The following DEDD2 variants were observed in gnomAD, a reference collection of about 807,000 sequenced individuals.
DEDD2 encodes the protein death effector domain containing 2.
DEDD2 carries 18 observed loss-of-function variants against 28.9 expected under a neutral mutation model. That is an observed-to-expected ratio of 0.62 (90% CI 0.43 to 0.92). The LOEUF is 0.92. DEDD2 is among the 40% of genes least tolerant of loss of function. The pLI is 0.00. For synonymous variants in DEDD2, 211 were observed against 206.1 expected (o/e 1.02, Z -0.20); for missense variants, 411 against 463.3 (o/e 0.89, Z 1.04).
rs746930105 is a variant in DEDD2, at chr19:42,209,659, G to A, written c.589+41C>T. On this transcript the variant is annotated intron_variant, in intron 4 of 4. Transcript: ENST00000596251. Reference sequence around the variant, plus strand: ...TTTCTCCCACCCTCTGAACCCACCCGGGGCACTCTACATGCATTGCCAAAG... The same window carrying A: ...TTTCTCCCACCCTCTGAACCCACCCAGGGCACTCTACATGCATTGCCAAAG... The A allele has an allele frequency of 3.0e-5, 47 of 1,576,156 alleles. 1 individual carries two copies. The Middle Eastern group carries it at 1.9e-3, about 62-fold the overall frequency.
chr19:42,215,990 G>T (rs2035951657), intron 2 of DEDD2, among the ~76,000 whole-genome samples: 1 of 152,016 alleles, frequency 6.6e-6, no homozygotes, highest in Non-Finnish European at 1.5e-5. Context: ...CCCTAGCTTG[G>T]GTCCCCTCTG....
At chr19:42,214,355 G>A (rs1483745507) in intron 3 of DEDD2, among the ~76,000 whole-genome samples, 1 of 152,124 alleles carries the variant, frequency 6.6e-6, no homozygotes, top group Non-Finnish European at 1.5e-5. Context: ...CTACTTGGGA[G>A]GCTGAGGCAG....
chr19:42,207,160 G>GC (rs1183596918), intron 4 of DEDD2, among the ~76,000 whole-genome samples: 1 of 152,134 alleles, frequency 6.6e-6, no homozygotes, highest in Non-Finnish European at 1.5e-5. Context: ...CTCAAACCCT[G>GC]CCGCGCAAGC....
chr19:42,205,077 C>A (rs1281947762), intron 4 of DEDD2, among the ~76,000 whole-genome samples: 1 of 152,158 alleles, frequency 6.6e-6, no homozygotes, highest in Non-Finnish European at 1.5e-5. Flanking sequence ...GACCCCACTA[C>A]CCATCTTCAG....
chr19:42,219,013 A>C (rs947864934), upstream of DEDD2, among the ~76,000 whole-genome samples: 6 of 150,348 alleles, frequency 4.0e-5, no homozygotes. Context: ...TGTCTCAAGA[A>C]ACAAACAAAC....
chr19:42,211,486 G>A (rs1187591663), intron 3 of DEDD2, among the ~76,000 whole-genome samples: 1 of 151,616 alleles, frequency 6.6e-6, no homozygotes, highest in Non-Finnish European at 1.5e-5. Context: ...GGAGGGAGGG[G>A]ATTGTATACA....
At chr19:42,215,355 C>A in intron 2 of DEDD2, 103 bp from the exon 3 acceptor site, 1 of 1,455,464 alleles carries the variant, frequency 6.9e-7, no homozygotes, top group South Asian at 1.2e-5. Context: ...CCCCAGTAGT[C>A]AGAGCCCAAA....
chr19:42,216,275 T>C (rs1325574647), intron 2 of DEDD2, among the ~76,000 whole-genome samples: 1 of 152,224 alleles, frequency 6.6e-6, no homozygotes, highest in Non-Finnish European at 1.5e-5. Context: ...TCATCCTGTA[T>C]CCCTCCTAGG....
upstream of DEDD2, chr19:42,220,003 C>G (rs1227305526): frequency 6.6e-6 from 1 of 152,264 alleles, no homozygotes; most frequent in Non-Finnish European, 1.5e-5. Context: ...TGCTCCGTCT[C>G]TTCAGCTTTG....
At chr19:42,202,513 C>T (rs566625800) in intron 4 of DEDD2, among the ~76,000 whole-genome samples, 9 of 152,310 alleles carry the variant, frequency 5.9e-5, no homozygotes, top group Admixed American at 3.3e-4. Flanking sequence ...CCAGAGCCCC[C>T]ACCATGTCAG....
Position 42,199,312 on chromosome 19 carries a change from T to TGTCCCGGTCCTGTC in DEDD2, c.*112_*125dup. The stretch of plus-strand genomic sequence containing the variant: ...TGGGAGGGGCTGTCAAGGGGCCTGC[T>TGTCCCGGTCCTGTC]GTCCCGGTCCTGTCGCAGTCCTCAA... On this transcript the variant is annotated 3_prime_UTR_variant, in exon 5 of 5. Transcript: ENST00000596251. The surrounding 1 kb of genome is among the most constrained non-coding windows in gnomAD (Gnocchi z 7.4). 7.4e-7 allele frequency: 1 copy of TGTCCCGGTCCTGTC among 1,351,190 alleles called. No homozygotes were observed. The highest frequency in any genetic ancestry group is 1.5e-5 in the South Asian group (1 of 65,068). 83.7% of individuals were successfully genotyped at this position (1,351,190 alleles called of 1,614,324 possible). A position where few individuals can be genotyped will look rare whatever the true frequency, so the allele number is the denominator to read the frequency against.
At chr19:42,211,837 A>C (rs1278254557) in intron 3 of DEDD2, 2 of 151,916 alleles carry the variant, frequency 1.3e-5, no homozygotes, top group Admixed American at 6.6e-5. Context: ...CGGGAGTTCG[A>C]GACCAGCCTG....
At chr19:42,215,344 T>C (rs1197706333) in intron 2 of DEDD2, 92 bp from the exon 3 acceptor site, 1 of 1,520,956 alleles carries the variant, frequency 6.6e-7, no homozygotes, top group African/African-American at 1.4e-5. Flanking sequence ...GTGCCTAAGT[T>C]CCCCAGTAGT....
intron 4 of DEDD2, among the ~76,000 whole-genome samples, chr19:42,207,095 G>A (rs1291695092): frequency 1.3e-5 from 2 of 152,074 alleles, no homozygotes; most frequent in African/African-American, 4.8e-5. Context: ...CCAGCCTGGT[G>A]GCTCTGGGAA....
Position 42,199,750 on chromosome 19 carries a change from C to A in DEDD2, c.669G>T (p.Gln223His). ...LEQGVASRRPQALARQLDVFG... is the reference protein window; with the variant it reads ...LEQGVASRRPHALARQLDVFG... ...ACACGTCCAGCTGCCGCGCCAGCGC[C>A]TGGGGCCGCCGGGATGCCACGCCCT... The change falls in exon 5 of 5, where the codon CAG (glutamine) becomes CAT (histidine). Residue 223 changes from glutamine (Q) to histidine (H), a missense_variant. By Grantham distance (24) the Gln-to-His change is conservative. Around this residue, in one of 2 missense-constraint regions of DEDD2, gnomAD observed 129 missense variants for 189.9 expected, o/e 0.68. Transcript: ENST00000596251. The surrounding 1 kb of genome is among the most constrained non-coding windows in gnomAD (Gnocchi z 7.4). The A allele has an allele frequency of 6.2e-7, 1 of 1,612,772 alleles. No individual in the cohort carries two copies. Among genetic ancestry groups the A allele is most frequent in the Non-Finnish European group, 8.5e-7 (1 of 1,179,376 alleles).
intron 3 of DEDD2, 127 bp from the exon 4 acceptor site, chr19:42,209,967 C>T: frequency 8.0e-7 from 1 of 1,251,084 alleles, no homozygotes; most frequent in East Asian, 2.9e-5. Context: ...TGCCTCCCTT[C>T]TTCAGTGGCC....
intron 4 of DEDD2, among the ~76,000 whole-genome samples, chr19:42,209,236 G>A (rs533818277): frequency 2.5e-4 from 38 of 150,900 alleles, no homozygotes; most frequent in African/African-American, 7.8e-4. Context: ...GGGAGATGGC[G>A]TCTCAAAAAA....
rs2035988432 is a variant in DEDD2 at position 42,216,744 on chromosome 19, T to A, written c.264A>T (p.Gln88His). The A allele has an allele frequency of 3.8e-6, 6 of 1,592,968 alleles. No homozygotes were observed. Among genetic ancestry groups the A allele is most frequent in the Non-Finnish European group, 4.3e-6 (5 of 1,171,934 alleles). The change falls in exon 2 of 5, where the codon CAA (glutamine) becomes CAT (histidine). Residue 88 changes from glutamine to histidine, a missense_variant. Around this residue, in one of 2 missense-constraint regions of DEDD2, gnomAD observed 282 missense variants for 273.4 expected, o/e 1.03. Coordinates refer to ENST00000596251, the MANE Select transcript of DEDD2 (RefSeq NM_133328.4). Reference sequence around the variant, plus strand: ...CGTGGCGGGCCAGCACGCGCAGGAGTTGCCCCAGCAGCCGCAGGTTGCTCT... The same window carrying A: ...CGTGGCGGGCCAGCACGCGCAGGAGATGCCCCAGCAGCCGCAGGTTGCTCT... ...CDESNLRLLG[Q>H]LLRVLARHDL...
chr19:42,205,611 C>G (rs2035502462), intron 4 of DEDD2, among the ~76,000 whole-genome samples: 1 of 150,184 alleles, frequency 6.7e-6, no homozygotes, highest in Non-Finnish European at 1.5e-5. Context: ...TGGGCAACAA[C>G]AGCAAAACTC....
Sources: allele counts gnomAD v4.1 joint callset (sites outside exome capture counted in the v4.1 genomes callset), GRCh38; gene constraint gnomAD v4.1.1; regional missense constraint gnomAD v4.1.1; non-coding constraint Gnocchi (gnomAD v3.1); transcripts MANE v1.5; gene names NCBI Gene and HGNC (gene_info 2026-07-23, HGNC 2026-07-21).